The following STPG2 variants were observed in gnomAD, a reference collection of about 807,000 sequenced individuals.
STPG2 encodes the protein sperm-tail PG-rich repeat-containing protein 2.
A neutral mutation model predicts 54.2 loss-of-function variants in STPG2; 56 were observed. That is an observed-to-expected ratio of 1.03 (90% CI 0.83 to 1.29). The LOEUF (loss-of-function observed/expected upper bound fraction) is 1.29, where lower values mean the gene tolerates loss of function less well. Ranked by LOEUF, STPG2 falls within the 50% of genes most tolerant of loss-of-function variation. The pLI is 0.00. For synonymous variants in STPG2, 200 were observed against 181.8 expected, an observed-to-expected ratio of 1.10 and a Z score of -0.81; for missense variants, 596 against 544.9, an observed-to-expected ratio of 1.09 and a Z score of -0.93.
rs958835931 is a variant in STPG2 at position 97,947,127 on chromosome 4, G to T, written c.934-3120C>A. ...TTTCACCTTGGTTAGTATATTCCAG[G>T]ATATTTTATCTTTTTTGCAGCTAAA... is the stretch of plus-strand genomic sequence containing the variant. On this transcript the variant is annotated intron_variant, in intron 7 of 10. Transcript: ENST00000295268. 2.0e-5 allele frequency among the ~76,000 whole-genome samples: 3 copies of T among 151,796 alleles called. No homozygotes were observed. In the South Asian group the frequency reaches 6.2e-4, roughly 31 times the overall value.
intron 4 of STPG2, among the ~76,000 whole-genome samples, chr4:97,444,592 C>T (rs1729172061): frequency 6.6e-6 from 1 of 152,084 alleles, no homozygotes; most frequent in Non-Finnish European, 1.5e-5. Flanking sequence ...ACTGAGAAAA[C>T]TCATCAACAG....
At chr4:97,488,244 T>C (rs981434626) in intron 4 of STPG2, among the ~76,000 whole-genome samples, 1 of 151,692 alleles carries the variant, frequency 6.6e-6, no homozygotes. Flanking sequence ...AATCAAGTAA[T>C]GAATGTATAA....
chr4:97,844,811 G>A (rs976556463), intron 8 of STPG2, among the ~76,000 whole-genome samples: 4 of 151,506 alleles, frequency 2.6e-5, no homozygotes, highest in African/African-American at 9.7e-5. Flanking sequence ...TTATCCATAT[G>A]CTAAAATACT....
chr4:97,820,806 A>T (rs980712199), intron 9 of STPG2, among the ~76,000 whole-genome samples: 7 of 152,102 alleles, frequency 4.6e-5, no homozygotes, highest in African/African-American at 1.2e-4. Flanking sequence ...CACACACTTT[A>T]AAAAACCAGA....
intron 6 of STPG2, among the ~76,000 whole-genome samples, chr4:97,976,434 A>G (rs1734502688): frequency 6.6e-6 from 1 of 152,114 alleles, no homozygotes; most frequent in South Asian, 2.1e-4. Context: ...TACACATCTC[A>G]GGTACTACCT....
intron 10 of STPG2, among the ~76,000 whole-genome samples, chr4:97,673,685 C>G (rs1358745611): frequency 2.0e-5 from 3 of 148,224 alleles, no homozygotes. Context: ...TTTTTTTTTT[C>G]CTGCATTGGC....
At chr4:98,106,243 G>C (rs969929061) in intron 4 of STPG2, among the ~76,000 whole-genome samples, 179 bp from the exon 5 acceptor site, 13 of 151,796 alleles carry the variant, frequency 8.6e-5, no homozygotes, top group African/African-American at 2.4e-4. Context: ...AGTTTTCTTG[G>C]TTAGTTATGA....
At chr4:97,604,106 C>T (rs984603525) in intron 10 of STPG2, among the ~76,000 whole-genome samples, 1 of 151,592 alleles carries the variant, frequency 6.6e-6, no homozygotes, top group Non-Finnish European at 1.5e-5. Flanking sequence ...AACTCGGAAT[C>T]TGGGTATGCT....
chr4:97,540,033 T>C (rs1731654180), intron 4 of STPG2, among the ~76,000 whole-genome samples: 1 of 152,090 alleles, frequency 6.6e-6, no homozygotes, highest in South Asian at 2.1e-4. Context: ...GGCAAAGAAC[T>C]AAAATTGACA....
intron 6 of STPG2, among the ~76,000 whole-genome samples, chr4:97,978,793 A>C (rs1230123977): frequency 6.6e-6 from 1 of 152,218 alleles, no homozygotes; most frequent in Non-Finnish European, 1.5e-5. Flanking sequence ...CCAGATAACA[A>C]AAATCTCTCA....
chr4:97,680,842 A>G (rs187593280), intron 10 of STPG2, among the ~76,000 whole-genome samples: 23 of 152,128 alleles, frequency 1.5e-4, no homozygotes, highest in Middle Eastern at 3.4e-3. Flanking sequence ...AACAATATAT[A>G]AAATGTGTTG....
At chr4:97,640,043 A>T (rs1488470417) in intron 10 of STPG2, among the ~76,000 whole-genome samples, 1 of 152,114 alleles carries the variant, frequency 6.6e-6, no homozygotes, top group Non-Finnish European at 1.5e-5. Flanking sequence ...ATGTAAAAAT[A>T]AAAAATGGTT....
At chr4:97,646,866 G>A (rs921130986) in intron 10 of STPG2, among the ~76,000 whole-genome samples, 3 of 152,058 alleles carry the variant, frequency 2.0e-5, no homozygotes, top group Admixed American at 6.6e-5. Context: ...ATAGAGAACT[G>A]CACCAAACTT....
rs142494774 is a variant in STPG2, at chr4:97,468,583, G to A, written c.462+244116C>T. On this transcript the variant is annotated intron_variant, in intron 4 of 4. Coordinates refer to the STPG2 transcript ENST00000522676. ...ATAACGCTCTGTATCTGGCACCTTC[G>A]CTTTTCAGAAGAAAAGATAGTTAAA... 1.4e-3 allele frequency among the ~76,000 whole-genome samples: 220 copies of A among 152,036 alleles called. 1 individual carries two copies. The highest frequency in any genetic ancestry group is 0.011 in the South Asian group (51 of 4,826).
At chr4:98,120,466 T>C (rs976799125) in intron 3 of STPG2, among the ~76,000 whole-genome samples, 5 of 152,230 alleles carry the variant, frequency 3.3e-5, no homozygotes, top group Non-Finnish European at 7.3e-5. Context: ...TTTCTGCTTC[T>C]AGATCTCTGA....
intron 10 of STPG2, among the ~76,000 whole-genome samples, chr4:97,602,426 T>C (rs959013437): frequency 2.0e-5 from 3 of 151,940 alleles, no homozygotes; most frequent in African/African-American, 7.2e-5. Flanking sequence ...TCCCTTTTTC[T>C]TACTGCTCAA....
intron 3 of STPG2, among the ~76,000 whole-genome samples, chr4:98,116,863 C>CA (rs902204094): frequency 1.6e-4 from 25 of 151,950 alleles, no homozygotes; most frequent in African/African-American, 5.8e-4. Flanking sequence ...TCTGGTTCTT[C>CA]AAAAGTTTTA....
intron 5 of STPG2, among the ~76,000 whole-genome samples, chr4:97,988,750 C>A (rs148418778): frequency 6.6e-6 from 1 of 152,288 alleles, no homozygotes; most frequent in African/African-American, 2.4e-5. Context: ...GAACCACAGG[C>A]ATGCGCCACC....
At position 97,992,747 on chromosome 4, in the gene STPG2, T is replaced by G. The variant is rs548875501; in HGVS notation, c.613-11429A>C. On this transcript the variant is annotated intron_variant, in intron 5 of 10. Transcript: ENST00000295268. Reference sequence around the variant, plus strand: ...TCCAAGAGCATGGGATGTGTTTCCATTTATTTGTGCCATCTATGATTTCTT... The same window carrying G: ...TCCAAGAGCATGGGATGTGTTTCCAGTTATTTGTGCCATCTATGATTTCTT... Among the ~76,000 whole-genome samples the G allele has an allele frequency of 1.1e-4, 17 of 152,298 alleles. No homozygotes were observed. The South Asian group carries it at 3.3e-3, about 30-fold the overall frequency.
Sources: allele counts gnomAD v4.1 joint callset (sites outside exome capture counted in the v4.1 genomes callset), GRCh38; gene constraint gnomAD v4.1.1; transcripts MANE v1.5; gene names NCBI Gene and HGNC (gene_info 2026-07-23, HGNC 2026-07-21).